MMEL1: variants seen among roughly 807,000 people sequenced by gnomAD.
MMEL1 encodes membrane metalloendopeptidase like 1.
Under a neutral mutation model 117.1 loss-of-function variants are expected in MMEL1, and 98 were observed. That is an observed-to-expected ratio of 0.84 (90% CI 0.71 to 0.99). MMEL1 has a LOEUF of 0.99. Among genes scored for constraint, MMEL1 ranks in the 50% least tolerant of loss-of-function variants. The probability of loss-of-function intolerance (pLI) is 0.00; values close to 1 mark genes in which losing one functional copy is unlikely to be tolerated. For missense variants in MMEL1, 1,014 were observed against 1,049.1 expected (o/e 0.97, Z 0.46); for synonymous variants, 390 against 415.1 (o/e 0.94, Z 0.74).
At chr1:2,628,623 C>A (rs933414025) in intron 2 of MMEL1, among the ~76,000 whole-genome samples, 24 of 150,762 alleles carry the variant, frequency 1.6e-4, no homozygotes, top group Non-Finnish European at 2.8e-4. Context: ...GTGACCAGGT[C>A]TACGGGTGCC....
chr1:2,629,204 G>T, intron 2 of MMEL1, 127 bp downstream of exon 2: 1 of 1,094,144 alleles, frequency 9.1e-7, no homozygotes, highest in Non-Finnish European at 1.2e-6. Flanking sequence ...GGTGCCCAGT[G>T]CAGACCCACC....
Position 2,612,311 on chromosome 1 carries a change from G to T in MMEL1, c.155-107C>A. The T allele has an allele frequency of 2.2e-6, 2 of 907,998 alleles. No individual in the cohort carries two copies. Among genetic ancestry groups the T allele is most frequent in the South Asian group, 1.5e-5 (1 of 67,162 alleles). The allele number at this position is 907,998 out of a possible 1,614,324, so 56.2% of individuals were successfully genotyped here. On this transcript the variant is annotated intron_variant, in intron 2 of 23. Transcript: ENST00000378412. The surrounding 1 kb of genome is among the most constrained non-coding windows in gnomAD (Gnocchi z 5.4). ...CCATCTTCCCACAGTGCTGGGTGCT[G>T]CAGCCCTACCCCTGTAGTGAGGGCT...
At chr1:2,623,929 T>C (rs1394516193) in intron 2 of MMEL1, among the ~76,000 whole-genome samples, 2 of 152,092 alleles carry the variant, frequency 1.3e-5, no homozygotes, top group African/African-American at 4.8e-5. Flanking sequence ...CCCCGGCCCA[T>C]GGAAGGGCAG....
chr1:2,628,930 G>A (rs1638401122), intron 2 of MMEL1, among the ~76,000 whole-genome samples: 1 of 151,136 alleles, frequency 6.6e-6, no homozygotes, highest in Non-Finnish European at 1.5e-5. Context: ...GGAGGGACAC[G>A]GACGCCGGTG....
chr1:2,623,090 A>G (rs1645314871), intron 2 of MMEL1, among the ~76,000 whole-genome samples: 1 of 151,254 alleles, frequency 6.6e-6, no homozygotes, highest in African/African-American at 2.4e-5. Context: ...ACTCGCTTGA[A>G]CCCAGGAGGC....
intron 5 of MMEL1, 72 bp from the exon 6 acceptor site, chr1:2,609,491 C>T (rs1645091995): frequency 6.5e-7 from 1 of 1,543,436 alleles, no homozygotes; most frequent in Admixed American, 1.9e-5. Flanking sequence ...TCCCTACACC[C>T]CCTGAAGTGC....
chr1:2,632,276 A>ACTCC (rs2100974568), intron 1 of MMEL1, among the ~76,000 whole-genome samples: 1 of 152,232 alleles, frequency 6.6e-6, no homozygotes. Context: ...GCCCCCTGGG[A>ACTCC]ACGTCAGCTC....
rs780360044 is a variant in MMEL1 at position 2,592,016 on chromosome 1, C to T, written c.2079G>A (p.Lys693=). The T allele has an allele frequency of 5.0e-6, 8 of 1,613,074 alleles. No homozygotes were observed. The Admixed American group carries it at 1.2e-4, about 24-fold the overall frequency. Residue 693 remains lysine (K), a synonymous_variant, in exon 22 of 24, where the codon AAG becomes AAA. Transcript: ENST00000378412. Reference sequence around the variant, plus strand: ...GGTCCTTGCCACCCTCTGCCATCCACTTGAGGTAGGCCTGCAGGCACCAGA... The same window carrying T: ...GGTCCTTGCCACCCTCTGCCATCCATTTGAGGTAGGCCTGCAGGCACCAGA... ...GVRQAYKAYL[K]WMAEGGKDQQ... is the part of the protein sequence containing the mutation.
rs752377519 is a variant in MMEL1, at chr1:2,595,722, C to T, written c.1500+287G>A. 1.6e-4 allele frequency among the ~76,000 whole-genome samples: 24 copies of T among 152,138 alleles called. No homozygotes were observed. Among genetic ancestry groups the T allele is most frequent in the Non-Finnish European group, 3.1e-4 (21 of 68,016 alleles). Reference sequence around the variant, plus strand: ...TTGCTCCCGAGGCCACCGCTACCCCCGCTGGCTCATGGGGGGTGCTGGGGA... The same window carrying T: ...TTGCTCCCGAGGCCACCGCTACCCCTGCTGGCTCATGGGGGGTGCTGGGGA... On this transcript the variant is annotated intron_variant, in intron 15 of 23. Transcript: ENST00000378412. The surrounding 1 kb of genome is among the most constrained non-coding windows in gnomAD (Gnocchi z 4.8).
chr1:2,607,012 C>A lies in MMEL1; in HGVS notation c.593G>T (p.Gly198Val), dbSNP rs758817179. 1 of 1,613,460 alleles carries A rather than the reference C, an allele frequency of 6.2e-7. No homozygotes were observed. The highest frequency in any genetic ancestry group is 8.5e-7 in the Non-Finnish European group (1 of 1,179,986). ...PLLDILEVVG[G>V]WPVAMDRWNE... Reference sequence around the variant, plus strand: ...CCACCTGTCCATCGCCACCGGCCAGCCTCCCACCACCTCCAAGATGTCCAG... The same window carrying A: ...CCACCTGTCCATCGCCACCGGCCAGACTCCCACCACCTCCAAGATGTCCAG... The change falls in exon 7 of 24, where the codon GGC (glycine) becomes GTC (valine). Residue 198 changes from glycine to valine, a missense_variant. Physicochemically the swap from Gly to Val is moderately radical, Grantham distance 109 (BLOSUM62 -3). Coordinates refer to ENST00000378412, the MANE Select transcript of MMEL1 (RefSeq NM_033467.4).
chr1:2,628,988 G>A (rs529961484), intron 2 of MMEL1, among the ~76,000 whole-genome samples: 1 of 152,036 alleles, frequency 6.6e-6, no homozygotes, highest in African/African-American at 2.4e-5. Flanking sequence ...GTGGGCGGAG[G>A]GGCGGGCGAC....
chr1:2,603,445 G>A (rs1327968916), intron 11 of MMEL1, among the ~76,000 whole-genome samples: 1 of 152,188 alleles, frequency 6.6e-6, no homozygotes, highest in African/African-American at 2.4e-5. Context: ...GCACTGGGCA[G>A]GGGAGCGCCT....
At chr1:2,603,227 C>A (rs1390440213) in intron 11 of MMEL1, among the ~76,000 whole-genome samples, 1 of 152,182 alleles carries the variant, frequency 6.6e-6, no homozygotes, top group Admixed American at 6.5e-5. Context: ...GGCTTTGGAC[C>A]CCCTTCTGCC....
intron 11 of MMEL1, among the ~76,000 whole-genome samples, chr1:2,602,095 T>G (rs1644941278): frequency 1.8e-5 from 1 of 55,796 alleles, no homozygotes; most frequent in Non-Finnish European, 3.1e-5. Context: ...GACAGCACAG[T>G]GGGACCCGAG....
intron 2 of MMEL1, among the ~76,000 whole-genome samples, chr1:2,615,873 T>A (rs1645192533): frequency 6.6e-6 from 1 of 152,178 alleles, no homozygotes; most frequent in Non-Finnish European, 1.5e-5. Context: ...GAAGAGATAC[T>A]GACCAATAAA....
chr1:2,604,091 G>A (rs1052686298), intron 10 of MMEL1, 56 bp downstream of exon 10: 11 of 1,570,634 alleles, frequency 7.0e-6, no homozygotes, highest in East Asian at 4.5e-5. Context: ...CAGCCACACC[G>A]CCTGGGGCTC....
Position 2,591,896 on chromosome 1 carries a change from G to A in MMEL1, c.2163+36C>T, listed in dbSNP as rs1246210351. 3 of 1,587,526 alleles carry A rather than the reference G, an allele frequency of 1.9e-6. No individual in the cohort carries two copies. In the East Asian group the frequency reaches 6.7e-5, roughly 35 times the overall value. On this transcript the variant is annotated intron_variant, in intron 22 of 23. Transcript: ENST00000378412. ...GGGCCCTCCAGAGATGAGTGGGGAA[G>A]CATGGGGATGGTGGGACCAGGACTG...
chr1:2,629,619 G>T, intron 1 of MMEL1, 98 bp from the exon 2 acceptor site: 1 of 1,112,714 alleles, frequency 9.0e-7, no homozygotes, highest in Non-Finnish European at 1.2e-6. Flanking sequence ...AGCGGGCGCT[G>T]GGTGCCTTTG....
chr1:2,618,003 T>C (rs969955460), intron 2 of MMEL1, among the ~76,000 whole-genome samples: 1 of 152,260 alleles, frequency 6.6e-6, no homozygotes. Context: ...ATAGGCTTTC[T>C]ACATTTTAAA....
Sources: gnomAD v4.1 joint callset for allele counts (sites outside exome capture counted in the v4.1 genomes callset) on GRCh38, gnomAD v4.1.1 for gene constraint, Gnocchi (gnomAD v3.1) non-coding constraint, MANE v1.5 for transcripts, NCBI Gene and HGNC (gene_info 2026-07-23, HGNC 2026-07-21) for gene names.